PLCL1: variants seen among roughly 807,000 people sequenced by gnomAD.
The protein encoded by PLCL1 is inactive phospholipase C-like protein 1.
A neutral mutation model predicts 84.4 loss-of-function variants in PLCL1; 41 were observed. The ratio of observed to expected loss-of-function variants is 0.49; its 90% CI spans 0.38 to 0.63. The LOEUF (loss-of-function observed/expected upper bound fraction) is 0.63, where lower values mean the gene tolerates loss of function less well. PLCL1 is among the 30% of genes least tolerant of loss of function. The pLI is 0.00. For synonymous variants in PLCL1, 490 were observed against 488.3 expected (o/e 1.00, Z -0.05); for missense variants, 1,206 against 1,367.8 (o/e 0.88, Z 1.87).
intron 1 of PLCL1, among the ~76,000 whole-genome samples, chr2:197,922,582 G>T (rs1688725281): frequency 7.4e-6 from 1 of 135,432 alleles, no homozygotes; most frequent in Non-Finnish European, 1.6e-5. Flanking sequence ...CTTCCCAGTA[G>T]GGGCAGCCGG....
chr2:198,079,936 G>A (rs145922143), intron 1 of PLCL1, among the ~76,000 whole-genome samples: 166 of 152,314 alleles, frequency 1.1e-3, no homozygotes, highest in African/African-American at 3.6e-3. Flanking sequence ...AATTTAAAGC[G>A]TTTGTTGTAA....
intron 1 of PLCL1, among the ~76,000 whole-genome samples, chr2:197,808,188 G>A (rs1162626410): frequency 6.6e-6 from 1 of 152,154 alleles, no homozygotes; most frequent in Admixed American, 6.5e-5. Flanking sequence ...TGTTTCAACA[G>A]CATTGACATT....
intron 1 of PLCL1, among the ~76,000 whole-genome samples, chr2:198,078,428 A>G (rs1692632806): frequency 1.3e-5 from 2 of 152,214 alleles, no homozygotes; most frequent in Non-Finnish European, 2.9e-5. Flanking sequence ...GCATATTTTT[A>G]TAGTGTATAG....
rs61183744 is a variant in PLCL1, at chr2:197,886,411, C to CAAAAAAAAAAAAAA, written c.240+81100_240+81113dup. On this transcript the variant is annotated intron_variant, in intron 1 of 5. Coordinates refer to ENST00000428675, the MANE Select transcript of PLCL1 (RefSeq NM_006226.4). The stretch of plus-strand genomic sequence containing the variant: ...TGGGCAACAGAATGAGACTCTGTCT[C>CAAAAAAAAAAAAAA]AAAAAAAAAAAAAAAAAAAAAAAAA... Among the ~76,000 whole-genome samples the CAAAAAAAAAAAAAA allele has an allele frequency of 5.8e-4, 45 of 77,106 alleles. 1 individual carries two copies. The highest frequency in any genetic ancestry group is 8.7e-4 in the South Asian group (2 of 2,288). The allele number at this position is 77,106 out of a possible 152,430, so 50.6% of individuals were successfully genotyped here.
At chr2:198,033,915 C>CTG (rs35514871) in intron 1 of PLCL1, among the ~76,000 whole-genome samples, 72,967 of 151,470 alleles carry the variant, frequency 0.48, 17,907 homozygotes, top group Middle Eastern at 0.63. Flanking sequence ...CCTCGTGTTT[C>CTG]TGTGTGTGTG....
intron 1 of PLCL1, among the ~76,000 whole-genome samples, chr2:197,909,330 T>G (rs575035522): frequency 1.4e-5 from 2 of 145,042 alleles, no homozygotes; most frequent in East Asian, 3.9e-4. Flanking sequence ...CTTTTTCTCT[T>G]TTTTTTTTTC....
intron 1 of PLCL1, among the ~76,000 whole-genome samples, chr2:197,857,575 T>G (rs1687354179): frequency 6.6e-6 from 1 of 152,108 alleles, no homozygotes; most frequent in African/African-American, 2.4e-5. Context: ...ATTTAAATGT[T>G]AAAAGAGAAG....
At position 198,085,963 on chromosome 2, in the gene PLCL1, T is replaced by C. The variant is rs761069655; in HGVS notation, c.2446T>C (p.Phe816Leu). The C allele has an allele frequency of 3.1e-6, 5 of 1,614,146 alleles. No individual in the cohort carries two copies. In the South Asian group the frequency reaches 5.5e-5, roughly 18 times the overall value. ...DEFIGQYTIPFECLQPGYRHV... is the reference protein window; with the variant it reads ...DEFIGQYTIPLECLQPGYRHV... ...GTTTATAGGGCAATATACGATACCA[T>C]TTGAATGTTTGCAGCCTGGATATCG... is the stretch of plus-strand genomic sequence containing the variant. The change falls in exon 2 of 6, where the codon TTT (phenylalanine) becomes CTT (leucine). Residue 816 changes from phenylalanine to leucine, a missense_variant. By Grantham distance (22) the Phe-to-Leu change is conservative (BLOSUM62 0). Transcript: ENST00000428675. The surrounding 1 kb of genome is among the most constrained non-coding windows in gnomAD (Gnocchi z 5.3).
rs113905870 is a variant in PLCL1 at position 197,815,015 on chromosome 2, A to G, written c.240+9676A>G. On this transcript the variant is annotated intron_variant, in intron 1 of 5. Coordinates refer to ENST00000428675, the MANE Select transcript of PLCL1 (RefSeq NM_006226.4). ...TTGCAAGGTGAAGCAGCAAGTGCTGATGTAGAAGCTACAGCAAGTTCTCCA... is the reference window on the plus strand; with the variant it reads ...TTGCAAGGTGAAGCAGCAAGTGCTGGTGTAGAAGCTACAGCAAGTTCTCCA... Among the ~76,000 whole-genome samples, 9 of 152,322 alleles carry G rather than the reference A, an allele frequency of 5.9e-5. 1 individual carries two copies. The highest frequency in any genetic ancestry group is 2.2e-4 in the African/African-American group (9 of 41,580).
chr2:197,917,962 T>C (rs1337251865), intron 1 of PLCL1, among the ~76,000 whole-genome samples: 2 of 152,022 alleles, frequency 1.3e-5, no homozygotes, highest in African/African-American at 4.8e-5. Flanking sequence ...CCAAATAAAA[T>C]AGATCCGTGA....
chr2:198,145,383 A>G (rs181483629), intron 5 of PLCL1, among the ~76,000 whole-genome samples: 1 of 152,292 alleles, frequency 6.6e-6, no homozygotes, highest in Non-Finnish European at 1.5e-5. Flanking sequence ...GATTGTAAAC[A>G]TGGTGTGGGG....
At chr2:197,978,503 A>G (rs1413864705) in intron 1 of PLCL1, among the ~76,000 whole-genome samples, 3 of 152,182 alleles carry the variant, frequency 2.0e-5, no homozygotes, top group African/African-American at 7.2e-5. Flanking sequence ...AAGCAAACAA[A>G]CAAAAAAAGA....
At chr2:197,879,797 C>A (rs1339733709) in intron 1 of PLCL1, among the ~76,000 whole-genome samples, 1 of 152,124 alleles carries the variant, frequency 6.6e-6, no homozygotes, top group African/African-American at 2.4e-5. Flanking sequence ...GAGGGCTAGC[C>A]TTTATCTTTC....
intron 1 of PLCL1, among the ~76,000 whole-genome samples, chr2:197,964,002 T>C (rs1689675240): frequency 6.6e-6 from 1 of 152,138 alleles, no homozygotes; most frequent in Non-Finnish European, 1.5e-5. Flanking sequence ...ACCATTACTG[T>C]AGCTTTGTAG....
At position 197,954,574 on chromosome 2, in the gene PLCL1, G is replaced by A. The variant is rs146882135; in HGVS notation, c.241-129184G>A. Among the ~76,000 whole-genome samples, 96 of 152,136 alleles carry A rather than the reference G, an allele frequency of 6.3e-4. 3 individuals are homozygous for A. In the South Asian group the frequency reaches 0.014, roughly 22 times the overall value. On this transcript the variant is annotated intron_variant, in intron 1 of 5. Transcript: ENST00000428675. ...ATTATATGCTAATTTAGTATAATACGATGGCATCATGTAATGCGTGTGCAC... is the reference window on the plus strand; with the variant it reads ...ATTATATGCTAATTTAGTATAATACAATGGCATCATGTAATGCGTGTGCAC...
At chr2:198,008,777 A>G (rs540576150) in intron 1 of PLCL1, among the ~76,000 whole-genome samples, 14 of 152,134 alleles carry the variant, frequency 9.2e-5, no homozygotes, top group South Asian at 4.1e-4. Flanking sequence ...AGGAACCTCC[A>G]TGCTATTTTC....
intron 1 of PLCL1, among the ~76,000 whole-genome samples, chr2:197,908,694 CTTTA>C (rs1463140238): frequency 6.6e-6 from 1 of 152,072 alleles, no homozygotes; most frequent in Non-Finnish European, 1.5e-5. Flanking sequence ...CTAATCATGT[CTTTA>C]TTTAATGACA....
At chr2:197,951,264 C>T (rs1689384922) in intron 1 of PLCL1, among the ~76,000 whole-genome samples, 1 of 152,130 alleles carries the variant, frequency 6.6e-6, no homozygotes, top group South Asian at 2.1e-4. Flanking sequence ...GCAGCCCTTC[C>T]TCCAGCCTTT....
chr2:198,146,151 C>T (rs755216402), intron 5 of PLCL1, among the ~76,000 whole-genome samples: 1 of 152,120 alleles, frequency 6.6e-6, no homozygotes, highest in Non-Finnish European at 1.5e-5. Flanking sequence ...TTTTGTTTTG[C>T]CTCTGGAGAC....
Sources: gnomAD v4.1 joint callset for allele counts (sites outside exome capture counted in the v4.1 genomes callset) on GRCh38, gnomAD v4.1.1 for gene constraint, Gnocchi (gnomAD v3.1) non-coding constraint, MANE v1.5 for transcripts, NCBI Gene and HGNC (gene_info 2026-07-23, HGNC 2026-07-21) for gene names.